Variants in SCHIP1 observed in about 807,000 individuals in gnomAD.
SCHIP1 encodes schwannomin interacting protein 1, also known as schwannomin-interacting protein 1.
SCHIP1 carries 8 observed loss-of-function variants against 29.7 expected under a neutral mutation model. That is an observed-to-expected ratio of 0.27 (90% confidence interval 0.16 to 0.49). The LOEUF is 0.49. Among genes scored for constraint, SCHIP1 ranks in the 20% least tolerant of loss-of-function variants. The pLI is 0.99. For missense variants in SCHIP1, 193 were observed against 294.6 expected (o/e 0.66, Z 2.52); for synonymous variants, 76 against 94.9 (o/e 0.80, Z 1.16).
chr3:159,655,810 A>G, the SCHIP1 span, among the ~76,000 whole-genome samples: 6 of 152,102 alleles, frequency 3.9e-5, no homozygotes, highest in African/African-American at 1.4e-4. Context: ...AATCCCTTGA[A>G]CCCAGGAGGC....
the SCHIP1 span, among the ~76,000 whole-genome samples, chr3:159,787,317 G>A: frequency 6.6e-6 from 1 of 152,160 alleles, no homozygotes; most frequent in Non-Finnish European, 1.5e-5. Flanking sequence ...GTAAACACTG[G>A]AAGCTGCTGA....
At chr3:159,776,366 T>A in the SCHIP1 span, among the ~76,000 whole-genome samples, 1 of 150,852 alleles carries the variant, frequency 6.6e-6, no homozygotes, top group Non-Finnish European at 1.5e-5. Context: ...GAAGATTTAT[T>A]GTGAAGAGCG....
At chr3:159,561,823 C>T in the SCHIP1 span, among the ~76,000 whole-genome samples, 1 of 152,080 alleles carries the variant, frequency 6.6e-6, no homozygotes, top group African/African-American at 2.4e-5. Flanking sequence ...GACAAATTAA[C>T]CCCTCTGGAG....
chr3:159,822,725 T>C, the SCHIP1 span, among the ~76,000 whole-genome samples: 1 of 150,914 alleles, frequency 6.6e-6, no homozygotes, highest in African/African-American at 2.4e-5. Flanking sequence ...AAAATGACTC[T>C]TCAAGACATG....
At chr3:159,815,001 T>C in the SCHIP1 span, among the ~76,000 whole-genome samples, 1 of 152,182 alleles carries the variant, frequency 6.6e-6, no homozygotes, top group Non-Finnish European at 1.5e-5. Context: ...TTGCTTTTCC[T>C]TCTGAGTTCC....
At chr3:159,478,455 C>T in the SCHIP1 span, among the ~76,000 whole-genome samples, 1 of 152,016 alleles carries the variant, frequency 6.6e-6, no homozygotes, top group Non-Finnish European at 1.5e-5. Context: ...TGTTTTTATG[C>T]CAGTACCATG....
At chr3:159,518,739 T>C in the SCHIP1 span, among the ~76,000 whole-genome samples, 2 of 152,146 alleles carry the variant, frequency 1.3e-5, no homozygotes, top group East Asian at 3.8e-4. Context: ...AGGTCAGTAC[T>C]GTATTCTCAT....
At chr3:159,305,867 T>C in the SCHIP1 span, among the ~76,000 whole-genome samples, 11 of 152,226 alleles carry the variant, frequency 7.2e-5, no homozygotes, top group Non-Finnish European at 1.0e-4. Flanking sequence ...GGCAAAACCA[T>C]GAATGCTGCC....
At chr3:159,750,292 T>C in the SCHIP1 span, among the ~76,000 whole-genome samples, 83,302 of 135,898 alleles carry the variant, frequency 0.61, 26,165 homozygotes, top group Middle Eastern at 0.79. Context: ...TATATATATA[T>C]ATATACACAC....
intron 1 of SCHIP1, among the ~76,000 whole-genome samples, chr3:159,865,548 A>T (rs1714530881): frequency 6.6e-6 from 1 of 152,206 alleles, no homozygotes; most frequent in South Asian, 2.1e-4. Context: ...GGTTTCTCAC[A>T]TTCTAAAACC....
chr3:159,831,548 T>G, the SCHIP1 span, among the ~76,000 whole-genome samples: 42 of 152,288 alleles, frequency 2.8e-4, no homozygotes, highest in African/African-American at 9.9e-4. Flanking sequence ...AATCATAAAA[T>G]AGAATAATTA....
chr3:159,701,060 A>T, the SCHIP1 span, among the ~76,000 whole-genome samples: 1 of 152,150 alleles, frequency 6.6e-6, no homozygotes, highest in African/African-American at 2.4e-5. Context: ...TTATGCGATT[A>T]AATACAATAA....
At chr3:159,582,777 AATATAT>A in the SCHIP1 span, among the ~76,000 whole-genome samples, 1 of 115,010 alleles carries the variant, frequency 8.7e-6, no homozygotes, top group African/African-American at 2.7e-5. Context: ...ACGCAACTGA[AATATAT>A]ATATACACAC....
chr3:159,887,583 G>A lies in SCHIP1; in HGVS notation c.268-125G>A, dbSNP rs1053199894. The A allele has an allele frequency of 1.9e-5, 19 of 1,010,872 alleles. No individual in the cohort carries two copies. In the Admixed American group the frequency reaches 4.1e-4, roughly 22 times the overall value. 62.6% of individuals were successfully genotyped at this position (1,010,872 alleles called of 1,614,324 possible). A position where few individuals can be genotyped will look rare whatever the true frequency, so the allele number is the denominator to read the frequency against. On this transcript the variant is annotated intron_variant, in intron 3 of 6. Coordinates refer to ENST00000445224, the Ensembl canonical transcript of SCHIP1. ...TGAGATTTATCAACTCAAGTAGCAAGTCACATTGAGGGAGGGAACTCTGAG... is the reference window on the plus strand; with the variant it reads ...TGAGATTTATCAACTCAAGTAGCAAATCACATTGAGGGAGGGAACTCTGAG...
the SCHIP1 span, among the ~76,000 whole-genome samples, chr3:159,766,578 T>G: frequency 6.6e-6 from 1 of 152,110 alleles, no homozygotes; most frequent in Non-Finnish European, 1.5e-5. Context: ...AAGCAGGAGG[T>G]TAGTTTGCTA....
At chr3:159,655,767 T>C in the SCHIP1 span, among the ~76,000 whole-genome samples, 3 of 152,132 alleles carry the variant, frequency 2.0e-5, no homozygotes, top group African/African-American at 7.2e-5. Flanking sequence ...AAGGTGCCTG[T>C]AATCCCAGCT....
At chr3:159,718,698 G>C in the SCHIP1 span, among the ~76,000 whole-genome samples, 4 of 152,130 alleles carry the variant, frequency 2.6e-5, no homozygotes, top group Non-Finnish European at 2.9e-5. Flanking sequence ...CCTCTTCAAG[G>C]AGAATTACAA....
At chr3:159,315,223 G>C in the SCHIP1 span, among the ~76,000 whole-genome samples, 1 of 134,694 alleles carries the variant, frequency 7.4e-6, no homozygotes, top group Non-Finnish European at 1.5e-5. Flanking sequence ...TTTTGAGATG[G>C]AGTCTCACTG....
intron 1 of SCHIP1, among the ~76,000 whole-genome samples, chr3:159,862,199 A>G (rs1714132642): frequency 1.3e-5 from 2 of 152,178 alleles, no homozygotes. Context: ...GTAGACCCAT[A>G]AGTCTTTGTG....
Sources: gnomAD v4.1 joint callset for allele counts (sites outside exome capture counted in the v4.1 genomes callset) on GRCh38, gnomAD v4.1.1 for gene constraint, MANE v1.5 for transcripts, NCBI Gene and HGNC (gene_info 2026-07-23, HGNC 2026-07-21) for gene names.